Variants in LZTFL1 observed in about 807,000 individuals in gnomAD.
LZTFL1 encodes leucine zipper transcription factor like 1.
A neutral mutation model predicts 45.9 loss-of-function variants in LZTFL1; 25 were observed. The ratio of observed to expected loss-of-function variants is 0.54; its 90% CI spans 0.40 to 0.76. LZTFL1 has a LOEUF of 0.76. Ranked by LOEUF, LZTFL1 falls within the 30% of genes least tolerant of loss-of-function variation. The pLI is 0.00. For synonymous variants in LZTFL1, 93 were observed against 117.4 expected, an observed-to-expected ratio of 0.79 and a Z score of 1.35; for missense variants, 277 against 331.1, an observed-to-expected ratio of 0.84 and a Z score of 1.27.
At chr3:45,856,133 C>T (rs772333864) in intron 3 of LZTFL1, among the ~76,000 whole-genome samples, 1 of 151,842 alleles carries the variant, frequency 6.6e-6, no homozygotes, top group Non-Finnish European at 1.5e-5. Flanking sequence ...GGCTTTCAAA[C>T]TATACTACAA....
At chr3:45,893,497 T>C (rs1702255733) in intron 2 of LZTFL1, among the ~76,000 whole-genome samples, 1 of 152,202 alleles carries the variant, frequency 6.6e-6, no homozygotes, top group Non-Finnish European at 1.5e-5. Context: ...CATCAGTGAT[T>C]CTGCTTTCCG....
chr3:45,901,745 T>C lies in LZTFL1; in HGVS notation c.-215+11375A>G. On this transcript the variant is annotated intron_variant, in intron 2 of 4. Transcript: ENST00000472635. The surrounding 1 kb of genome is among the most constrained non-coding windows in gnomAD (Gnocchi z 4.3). ...GCCTGAACCCTGTTCTCTATGTTTT[T>C]GTGGGTGAGAGATTCCGCCGGGATC... The C allele has an allele frequency of 2.5e-6, 4 of 1,614,206 alleles. No individual in the cohort carries two copies. The highest frequency in any genetic ancestry group is 1.6e-4 in the Middle Eastern group (1 of 6,062).
chr3:45,907,113 G>T (rs377489074), intron 2 of LZTFL1, among the ~76,000 whole-genome samples: 3 of 152,210 alleles, frequency 2.0e-5, no homozygotes, highest in South Asian at 2.1e-4. Flanking sequence ...GGTCTGCAGG[G>T]CTGGCTTCCG....
chr3:45,840,693 A>T (rs180996557), intron 1 of LZTFL1, among the ~76,000 whole-genome samples: 12 of 152,354 alleles, frequency 7.9e-5, no homozygotes, highest in Non-Finnish European at 1.3e-4. Context: ...AGTGTCTTGA[A>T]ATTGTACCAC....
chr3:45,897,629 T>C (rs1441136561), intron 2 of LZTFL1: 3 of 1,534,044 alleles, frequency 2.0e-6, no homozygotes, highest in Non-Finnish European at 2.6e-6. Context: ...TCCAGGACCT[T>C]AGCCCAGGAC....
intron 2 of LZTFL1, among the ~76,000 whole-genome samples, chr3:45,897,975 CAA>C (rs72284250): frequency 0.1 from 10,933 of 105,900 alleles, 510 homozygotes; most frequent in East Asian, 0.29. Context: ...GCTATTTGAC[CAA>C]AAAAAAAAAA....
chr3:45,886,880 C>T lies in LZTFL1; in HGVS notation c.-215+26240G>A, dbSNP rs1701997530. ...ATAAAACTCCCTCCCCCTTCACATA[C>T]ATGAAGCTTAGGCTTAAGGCAGTCT... On this transcript the variant is annotated intron_variant, in intron 2 of 4. Transcript: ENST00000472635. 3.3e-5 allele frequency among the ~76,000 whole-genome samples: 5 copies of T among 152,110 alleles called. No individual in the cohort carries two copies. In the South Asian group the frequency reaches 1.0e-3, roughly 32 times the overall value.
In LZTFL1 at chr3:45,828,537, TAA is replaced by T; in HGVS notation, c.677_678del (p.Leu226GlnfsTer2). On this transcript the variant is annotated frameshift_variant, in exon 8 of 10. Transcript: ENST00000296135. LOFTEE classifies it high-confidence loss of function. ...AALKSEFQKT[L>X]NDKTENQKSL... The stretch of plus-strand genomic sequence containing the variant: ...GACTTCTGGTTTTCTGTCTTGTCAT[TAA>T]GTGTCTTCTGAAACTCACTCTTTAA... The T allele has an allele frequency of 6.2e-7, 1 of 1,614,210 alleles. No homozygotes were observed. Among genetic ancestry groups the T allele is most frequent in the Non-Finnish European group, 8.5e-7 (1 of 1,180,006 alleles).
upstream of LZTFL1, among the ~76,000 whole-genome samples, chr3:45,844,302 G>A (rs1278210193): frequency 2.0e-5 from 3 of 152,228 alleles, no homozygotes; most frequent in Middle Eastern, 3.4e-3. Flanking sequence ...TAGTGAGTCT[G>A]AGGAAAAAAT....
upstream of LZTFL1, among the ~76,000 whole-genome samples, chr3:45,845,518 C>T (rs1701204978): frequency 6.6e-6 from 1 of 152,096 alleles, no homozygotes; most frequent in Admixed American, 6.6e-5. Flanking sequence ...GACAGGGAAC[C>T]AGAATTTTCA....
chr3:45,865,545 C>G (rs148101771), intron 2 of LZTFL1, among the ~76,000 whole-genome samples: 1 of 152,152 alleles, frequency 6.6e-6, no homozygotes, highest in East Asian at 1.9e-4. Context: ...ATATGTATGA[C>G]GAACTAGGAA....
chr3:45,873,710 A>G lies in LZTFL1; in HGVS notation c.-214-14694T>C, dbSNP rs143172742. On this transcript the variant is annotated intron_variant, in intron 2 of 4. Transcript: ENST00000472635. ...GTCCTCTTTTCTCTGGAAGACCTCC[A>G]TCTTTCCACAAATTCAAACCAAACT... Among the ~76,000 whole-genome samples the G allele has an allele frequency of 2.0e-5, 3 of 152,254 alleles. No homozygotes were observed. In the South Asian group the frequency reaches 6.2e-4, roughly 32 times the overall value.
At chr3:45,850,116 A>T (rs1056264505) in intron 4 of LZTFL1, among the ~76,000 whole-genome samples, 2 of 152,176 alleles carry the variant, frequency 1.3e-5, no homozygotes, top group African/African-American at 4.8e-5. Flanking sequence ...TTCAAAATGG[A>T]TATATATTTT....
chr3:45,849,443 A>G (rs1575268404), intron 4 of LZTFL1, among the ~76,000 whole-genome samples: 1 of 152,364 alleles, frequency 6.6e-6, no homozygotes, highest in Non-Finnish European at 1.5e-5. Context: ...TGCTAAAAAT[A>G]TTAAGCAGGA....
chr3:45,899,305 C>T (rs1336731688), intron 2 of LZTFL1, among the ~76,000 whole-genome samples: 1 of 152,202 alleles, frequency 6.6e-6, no homozygotes, highest in Non-Finnish European at 1.5e-5. Context: ...CCACCTAAAA[C>T]ATGGTTTGGG....
intron 2 of LZTFL1, among the ~76,000 whole-genome samples, chr3:45,905,566 G>T (rs1315055278): frequency 6.6e-6 from 1 of 152,248 alleles, no homozygotes; most frequent in Non-Finnish European, 1.5e-5. Flanking sequence ...CTTGTAGGGA[G>T]TATGGTCGGC....
intron 2 of LZTFL1, among the ~76,000 whole-genome samples, chr3:45,878,214 A>T (rs1701786703): frequency 1.3e-5 from 2 of 152,202 alleles, no homozygotes; most frequent in South Asian, 4.1e-4. Flanking sequence ...GCAATTTTGG[A>T]ATATGCAAAA....
chr3:45,901,667 C>T lies in LZTFL1; in HGVS notation c.-215+11453G>A. ...TCATCTCCAACTGTGCCGTTTCCAC[C>T]AACATTGACATCTGCTTCCAGGTCA... On this transcript the variant is annotated intron_variant, in intron 2 of 4. Transcript: ENST00000472635. The surrounding 1 kb of genome is among the most constrained non-coding windows in gnomAD (Gnocchi z 4.3). 6.2e-7 allele frequency: 1 copy of T among 1,613,922 alleles called. No individual in the cohort carries two copies.
rs200934415 is a variant in LZTFL1 at position 45,894,951 on chromosome 3, C to T, written c.-215+18169G>A. The T allele has an allele frequency of 8.7e-6, 14 of 1,614,056 alleles. No individual in the cohort carries two copies. In the African/African-American group the frequency reaches 1.9e-4, roughly 22 times the overall value. On this transcript the variant is annotated intron_variant, in intron 2 of 4. Transcript: ENST00000472635. ...GACCCACCATGACACCCACAGACTT[C>T]ACAGTGAGTACAGCCGTGCTCCTCT...
Sources: allele counts gnomAD v4.1 joint callset (sites outside exome capture counted in the v4.1 genomes callset), GRCh38; gene constraint gnomAD v4.1.1; non-coding constraint Gnocchi (gnomAD v3.1); transcripts MANE v1.5; gene names NCBI Gene and HGNC (gene_info 2026-07-23, HGNC 2026-07-21).